CECR2: variants seen among roughly 807,000 people sequenced by gnomAD.
CECR2 encodes the protein CECR2 histone acetyl-lysine reader.
A neutral mutation model predicts 154.5 loss-of-function variants in CECR2; 30 were observed. The observed-to-expected ratio is 0.19, with a 90% CI of 0.15 to 0.26. The LOEUF is 0.26. Ranked by LOEUF, CECR2 falls within the 10% of genes least tolerant of loss-of-function variation. The pLI, the probability that CECR2 is intolerant of heterozygous loss-of-function variation, is 1.00. For missense variants in CECR2, 1,743 were observed against 1,829.3 expected (o/e 0.95, Z 0.86); for synonymous variants, 725 against 683.7 (o/e 1.06, Z -0.94).
At chr22:17,374,175 A>G (rs949202146) in intron 1 of CECR2, among the ~76,000 whole-genome samples, 19 of 152,130 alleles carry the variant, frequency 1.2e-4, no homozygotes, top group African/African-American at 4.3e-4. Context: ...TGTCCTGTCT[A>G]CCTTTTTTCC....
chr22:17,396,282 C>G (rs1228891822), intron 1 of CECR2, among the ~76,000 whole-genome samples: 1 of 146,350 alleles, frequency 6.8e-6, no homozygotes, highest in African/African-American at 2.5e-5. Flanking sequence ...CTGTGGCTCA[C>G]GCCTGTAATC....
intron 1 of CECR2, among the ~76,000 whole-genome samples, chr22:17,398,013 T>C (rs2053838370): frequency 6.6e-6 from 1 of 152,116 alleles, no homozygotes; most frequent in Non-Finnish European, 1.5e-5. Flanking sequence ...TACTCTTAGC[T>C]TGCATGGGGA....
intron 2 of CECR2, among the ~76,000 whole-genome samples, chr22:17,486,828 G>T (rs2522300): frequency 0.25 from 37,666 of 152,106 alleles, 5,104 homozygotes; most frequent in Non-Finnish European, 0.3. Context: ...ATGAATAAGC[G>T]CGAGTGGTGA....
chr22:17,482,197 G>A (rs1242710457), intron 2 of CECR2, among the ~76,000 whole-genome samples: 3 of 149,642 alleles, frequency 2.0e-5, no homozygotes, highest in Non-Finnish European at 4.4e-5. Context: ...GGCTGAGGCA[G>A]GTGGATCACA....
chr22:17,523,197 A>T (rs1236026202), intron 8 of CECR2, among the ~76,000 whole-genome samples: 1 of 152,128 alleles, frequency 6.6e-6, no homozygotes, highest in Non-Finnish European at 1.5e-5. Flanking sequence ...AGCCTGGCCA[A>T]CATGGCGAAA....
At position 17,557,001 on chromosome 22, in the gene CECR2, T is replaced by A. The variant is rs2056779302; in HGVS notation, c.*4161T>A. 2 of 152,252 alleles carry A rather than the reference T, an allele frequency of 1.3e-5. No homozygotes were observed. The highest frequency in any genetic ancestry group is 1.3e-4 in the Admixed American group (2 of 15,286). The allele number at this position is 152,252 out of a possible 1,614,324, so 9.4% of individuals were successfully genotyped here. ...TAGCACAAAGAATGTGATTGCCATT[T>A]GCTGCGTGAGAAAAAGCTGGGCTCC... On this transcript the variant is annotated 3_prime_UTR_variant, in exon 19 of 19. Coordinates refer to ENST00000262608, the MANE Select transcript of CECR2 (RefSeq NM_001290047.2).
intron 1 of CECR2, among the ~76,000 whole-genome samples, chr22:17,457,376 T>C (rs2054870660): frequency 6.6e-6 from 1 of 152,244 alleles, no homozygotes; most frequent in South Asian, 2.1e-4. Flanking sequence ...TCTGAACTAA[T>C]AGGGTCTTGG....
At chr22:17,508,706 G>T (rs2055889193) in intron 7 of CECR2, among the ~76,000 whole-genome samples, 1 of 152,058 alleles carries the variant, frequency 6.6e-6, no homozygotes, top group South Asian at 2.1e-4. Flanking sequence ...TGTGTAGTAG[G>T]CTATGCCATC....
intron 1 of CECR2, chr22:17,476,998 T>A (rs577045118): frequency 3.1e-6 from 2 of 645,570 alleles, no homozygotes; most frequent in South Asian, 3.6e-5. Context: ...CCTCATTCTG[T>A]TTAGATGATG....
At chr22:17,365,226 A>G (rs984794175), upstream of CECR2, among the ~76,000 whole-genome samples, 11 of 152,110 alleles carry the variant, frequency 7.2e-5, no homozygotes, top group Non-Finnish European at 1.6e-4. Flanking sequence ...CTCTGTCTAA[A>G]AAAAAGGAAA....
At chr22:17,478,449 A>G (rs5746416) in intron 2 of CECR2, among the ~76,000 whole-genome samples, 4,332 of 140,718 alleles carry the variant, frequency 0.031, 158 homozygotes, top group East Asian at 0.23. Context: ...TTCACCTCCC[A>G]GGTTCACGCC....
intron 1 of CECR2, among the ~76,000 whole-genome samples, chr22:17,467,535 G>C (rs1190987858): frequency 6.6e-6 from 1 of 152,118 alleles, no homozygotes; most frequent in Non-Finnish European, 1.5e-5. Context: ...TGTAATCCCA[G>C]CACTTTGGGA....
intron 2 of CECR2, among the ~76,000 whole-genome samples, chr22:17,478,098 A>G (rs556390470): frequency 3.9e-5 from 6 of 152,308 alleles, no homozygotes; most frequent in South Asian, 2.1e-4. Context: ...ATAAAAAAAA[A>G]AGAGAGATGT....
At chr22:17,379,017 T>C (rs5747081) in intron 1 of CECR2, among the ~76,000 whole-genome samples, 37,839 of 152,018 alleles carry the variant, frequency 0.25, 9,800 homozygotes, top group African/African-American at 0.66. Flanking sequence ...AGTGCAGTGG[T>C]GCGATCTCGG....
chr22:17,532,875 G>A (rs190662647), intron 9 of CECR2, among the ~76,000 whole-genome samples: 9 of 150,650 alleles, frequency 6.0e-5, no homozygotes, highest in Non-Finnish European at 1.3e-4. Context: ...GTGCCACCAC[G>A]CCTGGCAATT....
At chr22:17,410,934 A>G (rs569561550) in intron 1 of CECR2, among the ~76,000 whole-genome samples, 48 of 152,306 alleles carry the variant, frequency 3.2e-4, no homozygotes, top group African/African-American at 1.1e-3. Flanking sequence ...TTTAACTCAT[A>G]GTTTTACAGA....
chr22:17,468,391 C>T (rs1270550158), intron 1 of CECR2, among the ~76,000 whole-genome samples: 2 of 152,088 alleles, frequency 1.3e-5, no homozygotes, highest in Non-Finnish European at 2.9e-5. Flanking sequence ...AAGATGTTAA[C>T]TATATTGCCC....
rs918634022 is a variant in CECR2 at position 17,461,308 on chromosome 22, AT to A, written c.127-16272del. ...CCACCAGTCTCCTAAAACAATGGTG[AT>A]TTTTTTTAAGAAAGTTATTTCCTTT... On this transcript the variant is annotated intron_variant, in intron 1 of 18. Coordinates refer to ENST00000262608, the MANE Select transcript of CECR2 (RefSeq NM_001290047.2). Among the ~76,000 whole-genome samples the A allele has an allele frequency of 1.1e-3, 173 of 152,138 alleles. 1 individual carries two copies. The highest frequency in any genetic ancestry group is 4.0e-3 in the African/African-American group (165 of 41,502).
chr22:17,527,862 A>G (rs2056291198), intron 9 of CECR2, among the ~76,000 whole-genome samples: 2 of 152,312 alleles, frequency 1.3e-5, no homozygotes, highest in Admixed American at 6.5e-5. Flanking sequence ...ATTATGAGAT[A>G]TCATCTTACA....
Sources: gnomAD v4.1 joint callset for allele counts (sites outside exome capture counted in the v4.1 genomes callset) on GRCh38, gnomAD v4.1.1 for gene constraint, MANE v1.5 for transcripts, NCBI Gene and HGNC (gene_info 2026-07-23, HGNC 2026-07-21) for gene names.